The following HS3ST2 variants were observed in gnomAD, a reference collection of about 807,000 sequenced individuals.
HS3ST2 encodes the protein heparan sulfate-glucosamine 3-sulfotransferase 2.
HS3ST2 carries 17 observed loss-of-function variants against 26.3 expected under a neutral mutation model. The observed-to-expected ratio is 0.65, with a 90% CI of 0.44 to 0.97. HS3ST2 has a LOEUF of 0.97. Ranked by LOEUF, HS3ST2 falls within the 50% of genes least tolerant of loss-of-function variation. The pLI, the probability that HS3ST2 is intolerant of heterozygous loss-of-function variation, is 0.00. For synonymous variants in HS3ST2, 237 were observed against 219.2 expected (o/e 1.08, Z -0.72); for missense variants, 402 against 501.2 (o/e 0.80, Z 1.89).
chr16:22,903,843 A>T (rs1274748015), intron 1 of HS3ST2, among the ~76,000 whole-genome samples: 1 of 152,188 alleles, frequency 6.6e-6, no homozygotes, highest in Non-Finnish European at 1.5e-5. Flanking sequence ...ACAATAGAAG[A>T]GGCAGAAGGA....
At chr16:22,885,183 A>C (rs1418318892) in intron 1 of HS3ST2, among the ~76,000 whole-genome samples, 1 of 151,536 alleles carries the variant, frequency 6.6e-6, no homozygotes, top group Middle Eastern at 3.2e-3. Flanking sequence ...CCCCTCCCCC[A>C]TCCCCCGTTT....
intron 1 of HS3ST2, chr16:22,833,571 C>A: frequency 3.2e-6 from 1 of 315,804 alleles, no homozygotes; most frequent in South Asian, 2.9e-5. Flanking sequence ...GTCTACTACT[C>A]TAAAGACTCT....
chr16:22,855,690 C>T (rs1401998416), intron 1 of HS3ST2, among the ~76,000 whole-genome samples: 1 of 136,140 alleles, frequency 7.3e-6, no homozygotes, highest in Non-Finnish European at 1.6e-5. Flanking sequence ...GTCTCTCTGT[C>T]TCTCTGTCTC....
At chr16:22,885,645 G>C (rs1183388897) in intron 1 of HS3ST2, among the ~76,000 whole-genome samples, 1 of 151,492 alleles carries the variant, frequency 6.6e-6, no homozygotes. Context: ...TAATAGAGAC[G>C]GGCCTTCACC....
chr16:22,915,616 A>G lies in HS3ST2; in HGVS notation c.*54A>G. The G allele has an allele frequency of 6.4e-7, 1 of 1,553,446 alleles. No homozygotes were observed. Among genetic ancestry groups the G allele is most frequent in the Non-Finnish European group, 8.7e-7 (1 of 1,149,940 alleles). ...CTCTTCTGCTCATCTCTTCCGTGAG[A>G]TTTGCTCCCAGACCCTCTGATCTCC... is the stretch of plus-strand genomic sequence containing the variant. On this transcript the variant is annotated 3_prime_UTR_variant, in exon 2 of 2. Coordinates refer to ENST00000261374, the MANE Select transcript of HS3ST2 (RefSeq NM_006043.2).
rs563859822 is a variant in HS3ST2, at chr16:22,845,009, C to G, written c.485+29914C>G. Among the ~76,000 whole-genome samples, 23 of 151,308 alleles carry G rather than the reference C, an allele frequency of 1.5e-4. No individual in the cohort carries two copies. In the East Asian group the frequency reaches 4.3e-3, roughly 28 times the overall value. ...AGCTGGGATTACAGGTGCCTGCCACCATGCCTGGCTAATTTTTTGTATTTT... is the reference window on the plus strand; with the variant it reads ...AGCTGGGATTACAGGTGCCTGCCACGATGCCTGGCTAATTTTTTGTATTTT... On this transcript the variant is annotated intron_variant, in intron 1 of 1. Transcript: ENST00000261374.
intron 1 of HS3ST2, among the ~76,000 whole-genome samples, chr16:22,826,535 T>C (rs1226409896): frequency 6.6e-6 from 1 of 152,150 alleles, no homozygotes; most frequent in Non-Finnish European, 1.5e-5. Context: ...TTCTCTTTTA[T>C]TTACTCTTTC....
At chr16:22,866,045 A>G (rs963173861) in intron 1 of HS3ST2, among the ~76,000 whole-genome samples, 1 of 152,224 alleles carries the variant, frequency 6.6e-6, no homozygotes, top group Non-Finnish European at 1.5e-5. Context: ...AATCAAGAAC[A>G]ATTACCTGAC....
intron 1 of HS3ST2, among the ~76,000 whole-genome samples, chr16:22,892,840 T>A (rs1312212391): frequency 6.6e-6 from 1 of 152,214 alleles, no homozygotes; most frequent in Non-Finnish European, 1.5e-5. Context: ...ATGCGTTGGC[T>A]CTTTTCATTA....
intron 1 of HS3ST2, among the ~76,000 whole-genome samples, chr16:22,904,032 G>A (rs1392144384): frequency 6.6e-6 from 1 of 152,136 alleles, no homozygotes; most frequent in African/African-American, 2.4e-5. Context: ...CTGGCTGATT[G>A]GATTTAGATA....
At chr16:22,906,753 A>G (rs2141746628) in intron 1 of HS3ST2, among the ~76,000 whole-genome samples, 1 of 152,344 alleles carries the variant, frequency 6.6e-6, no homozygotes, top group African/African-American at 2.4e-5. Context: ...CAAGGCCAGA[A>G]TGCTAAAAAA....
At chr16:22,914,535 C>G (rs567016586) in intron 1 of HS3ST2, among the ~76,000 whole-genome samples, 1 of 151,574 alleles carries the variant, frequency 6.6e-6, no homozygotes. Context: ...TGAGACCCTG[C>G]TCTACAAAAA....
chr16:22,895,581 G>A (rs1005672314), intron 1 of HS3ST2, among the ~76,000 whole-genome samples: 4 of 151,968 alleles, frequency 2.6e-5, no homozygotes, highest in South Asian at 2.1e-4. Flanking sequence ...TGGGGTGGTC[G>A]TATGAACACA....
At chr16:22,858,556 T>A (rs1901633054) in intron 1 of HS3ST2, among the ~76,000 whole-genome samples, 1 of 67,952 alleles carries the variant, frequency 1.5e-5, no homozygotes, top group Non-Finnish European at 3.2e-5. Context: ...GAATCCTTTT[T>A]TTGTTTGTTT....
intron 1 of HS3ST2, among the ~76,000 whole-genome samples, chr16:22,870,666 A>G (rs1320715782): frequency 6.6e-6 from 1 of 151,932 alleles, no homozygotes; most frequent in African/African-American, 2.4e-5. Context: ...CACCTTGGGG[A>G]CTGTGCATTG....
At chr16:22,842,630 A>G in intron 1 of HS3ST2, among the ~76,000 whole-genome samples, 1 of 152,050 alleles carries the variant, frequency 6.6e-6, no homozygotes. Flanking sequence ...CCTTTTATCA[A>G]TCCCGGAAAA....
intron 1 of HS3ST2, among the ~76,000 whole-genome samples, chr16:22,855,698 C>T (rs1567488849): frequency 7.9e-6 from 1 of 126,886 alleles, no homozygotes; most frequent in African/African-American, 2.8e-5. Flanking sequence ...GTCTCTCTGT[C>T]TCTCTCTCTC....
rs1172842007 is a variant in HS3ST2 at position 22,814,832 on chromosome 16, T to A, written c.222T>A (p.Asp74Glu). Residue 74 changes from aspartate (D) to glutamate (E), a missense_variant, in exon 1 of 2, where the codon GAT becomes GAA. By Grantham distance (45) the Asp-to-Glu change is conservative. Coordinates refer to ENST00000261374, the MANE Select transcript of HS3ST2 (RefSeq NM_006043.2). Reference protein sequence around the residue: ...QKLLQKSRPCDPSGPTPSEPS... With the variant: ...QKLLQKSRPCEPSGPTPSEPS... ...TTCTCCAGAAGTCCCGCCCCTGTGATCCCTCCGGGCCGACGCCCAGCGAGC... is the reference window on the plus strand; with the variant it reads ...TTCTCCAGAAGTCCCGCCCCTGTGAACCCTCCGGGCCGACGCCCAGCGAGC... 2 of 1,573,456 alleles carry A rather than the reference T, an allele frequency of 1.3e-6. No individual in the cohort carries two copies. The highest frequency in any genetic ancestry group is 3.7e-5 in the Admixed American group (2 of 54,094).
intron 1 of HS3ST2, among the ~76,000 whole-genome samples, chr16:22,902,595 A>C (rs1902294446): frequency 6.6e-6 from 1 of 152,202 alleles, no homozygotes; most frequent in South Asian, 2.1e-4. Context: ...GGGTATGTGC[A>C]TTTTACATTT....
Sources: allele counts gnomAD v4.1 joint callset (sites outside exome capture counted in the v4.1 genomes callset), GRCh38; gene constraint gnomAD v4.1.1; transcripts MANE v1.5; gene names NCBI Gene and HGNC (gene_info 2026-07-23, HGNC 2026-07-21).